IGFLR1: variants seen among roughly 807,000 people sequenced by gnomAD.
IGFLR1 encodes IGF-like family receptor 1.
Under a neutral mutation model 23.4 loss-of-function variants are expected in IGFLR1, and 17 were observed. That is an observed-to-expected ratio of 0.73 (90% confidence interval 0.50 to 1.09). The LOEUF is 1.09. Ranked by LOEUF, IGFLR1 falls within the 50% of genes least tolerant of loss-of-function variation. The probability of loss-of-function intolerance (pLI) is 0.00; values close to 1 mark genes in which losing one functional copy is unlikely to be tolerated. For synonymous variants in IGFLR1, 265 were observed against 210.7 expected (o/e 1.26, Z -2.23); for missense variants, 556 against 459.2 (o/e 1.21, Z -1.93).
chr19:35,740,830 C>A (rs1025265656), intron 2 of IGFLR1, 194 bp downstream of exon 2: 3 of 650,242 alleles, frequency 4.6e-6, no homozygotes, highest in Admixed American at 6.1e-5. Context: ...CAGCCATATC[C>A]ATTCGCTGTT....
intron 2 of IGFLR1, 198 bp downstream of exon 2, chr19:35,740,826 T>C (rs1472162386): frequency 4.6e-6 from 3 of 647,486 alleles, no homozygotes; most frequent in African/African-American, 3.7e-5. Context: ...TCTCCAGCCA[T>C]ATCCATTCGC....
rs751710432 is a variant in IGFLR1, at chr19:35,740,086, C to T, written c.345G>A (p.Arg115=). Reference sequence around the variant, plus strand: ...GGCAGTGCCCCTTGGCAGGGACCGGCCTCTGGGGATAAGGGGTTGGAGTAA... The same window carrying T: ...GGCAGTGCCCCTTGGCAGGGACCGGTCTCTGGGGATAAGGGGTTGGAGTAA... ...GGRTPWRCRE[R]PVPAKGHCPL... is the part of the protein sequence containing the mutation. The change falls in exon 4 of 5, where the codon AGG becomes AGA. Residue 115 remains arginine, a splice_region_variant and synonymous_variant. Transcript: ENST00000246532. The T allele has an allele frequency of 5.6e-6, 9 of 1,610,126 alleles. No homozygotes were observed. In the South Asian group the frequency reaches 9.9e-5, roughly 18 times the overall value.
At chr19:35,741,409 C>T (rs1248395361) in intron 1 of IGFLR1, 186 bp from the exon 2 acceptor site, 4 of 588,668 alleles carry the variant, frequency 6.8e-6, no homozygotes, top group African/African-American at 1.9e-5. Flanking sequence ...TGCAAGAATG[C>T]ATATCCCACC....
intron 2 of IGFLR1, 54 bp downstream of exon 2, chr19:35,740,970 G>A (rs1416440230): frequency 1.9e-6 from 3 of 1,561,968 alleles, no homozygotes; most frequent in African/African-American, 1.4e-5. Flanking sequence ...CCCCTTCCCC[G>A]CTCCCTATCA....
chr19:35,740,987 A>C (rs768972497), intron 2 of IGFLR1, 37 bp downstream of exon 2: 2 of 1,601,184 alleles, frequency 1.2e-6, no homozygotes, highest in Non-Finnish European at 8.5e-7. Context: ...ATCACCTGCA[A>C]GCTCCGCCCA....
At chr19:35,741,376 C>T (rs1436553662) in intron 1 of IGFLR1, 153 bp from the exon 2 acceptor site, 1 of 692,068 alleles carries the variant, frequency 1.4e-6, no homozygotes, top group African/African-American at 1.8e-5. Flanking sequence ...CACTAGGGGA[C>T]TAACAGGGCT....
rs756133747 is a variant in IGFLR1 at position 35,740,553 on chromosome 19, G to A, written c.169C>T (p.Arg57Trp). Residue 57 changes from arginine (R) to tryptophan (W), a missense_variant, in exon 3 of 5, where the codon CGG becomes TGG. By Grantham distance (101) the Arg-to-Trp change is moderately radical. Transcript: ENST00000246532. ...TGGTCATTGAGTCCGCAGTTTTCCCGGAACTCATAGTCTAGCGGGAAAGCT... is the reference window on the plus strand; with the variant it reads ...TGGTCATTGAGTCCGCAGTTTTCCCAGAACTCATAGTCTAGCGGGAAAGCT... ...GPPPCPDYEF[R>W]ENCGLNDHGD... 15 of 1,605,928 alleles carry A rather than the reference G, an allele frequency of 9.3e-6. No homozygotes were observed. The African/African-American group carries it at 1.7e-4, about 19-fold the overall frequency.
In IGFLR1 at chr19:35,739,048, A is replaced by G. The variant is rs1970036681; in HGVS notation, c.*232T>C. 1 of 567,538 alleles carries G rather than the reference A, an allele frequency of 1.8e-6. No homozygotes were observed. Among genetic ancestry groups the G allele is most frequent in the East Asian group, 2.9e-5 (1 of 34,260 alleles). 35.2% of individuals were successfully genotyped at this position (567,538 alleles called of 1,614,324 possible). ...TTACGGCTTCAGAACAACACAACACAGCAACTGTCTGTAGCAGGGTTGTTT... is the reference window on the plus strand; with the variant it reads ...TTACGGCTTCAGAACAACACAACACGGCAACTGTCTGTAGCAGGGTTGTTT... On this transcript the variant is annotated 3_prime_UTR_variant, in exon 5 of 5. Transcript: ENST00000246532.
intron 1 of IGFLR1, 27 bp from the exon 2 acceptor site, chr19:35,741,250 A>T (rs1466746775): frequency 6.3e-7 from 1 of 1,580,198 alleles, no homozygotes; most frequent in Non-Finnish European, 8.6e-7. Flanking sequence ...AATCGGGCAG[A>T]AGAAAGGACG....
At chr19:35,740,804 C>G in intron 2 of IGFLR1, 1 of 636,888 alleles carries the variant, frequency 1.6e-6, no homozygotes. Context: ...TCCACGCGGC[C>G]CCTATCCCGC....
chr19:35,739,298 A>C lies in IGFLR1; in HGVS notation c.1050T>G (p.Ser350=). Residue 350 remains serine (S), a synonymous_variant, in exon 5 of 5, where the codon TCT becomes TCG. Coordinates refer to ENST00000246532, the MANE Select transcript of IGFLR1 (RefSeq NM_024660.4). Reference sequence around the variant, plus strand: ...TTGGGTGTTAAGCCCAGCAAACCCCAGATGAGCCAAGCTTGGACAGCACCC... The same window carrying C: ...TTGGGTGTTAAGCCCAGCAAACCCCCGATGAGCCAAGCTTGGACAGCACCC... ...ALRVLSKLGS[S]GVCWA is the part of the protein sequence containing the mutation. 1 of 1,596,392 alleles carries C rather than the reference A, an allele frequency of 6.3e-7. No individual in the cohort carries two copies. The highest frequency in any genetic ancestry group is 8.6e-7 in the Non-Finnish European group (1 of 1,168,706).
intron 2 of IGFLR1, 200 bp downstream of exon 2, chr19:35,740,824 C>T (rs1970184599): frequency 3.1e-6 from 2 of 648,496 alleles, no homozygotes; most frequent in Non-Finnish European, 5.2e-6. Context: ...CCTCTCCAGC[C>T]ATATCCATTC....
intron 3 of IGFLR1, 126 bp downstream of exon 3, chr19:35,740,254 G>A (rs1015498980): frequency 7.6e-7 from 1 of 1,321,276 alleles, no homozygotes; most frequent in Non-Finnish European, 1.0e-6. Context: ...AGGACCTCCC[G>A]ACCCCTGCAG....
rs981464714 is a variant in IGFLR1, at chr19:35,738,958, A to G, written c.*322T>C. ...ACACCCACCCATCATGACCCAAGGA[A>G]GTTCATCAGCCTCAACAGGTAGGTG... On this transcript the variant is annotated 3_prime_UTR_variant, in exon 5 of 5. Transcript: ENST00000246532. The surrounding 1 kb of genome is among the most constrained non-coding windows in gnomAD (Gnocchi z 8.7). 2.2e-6 allele frequency: 1 copy of G among 450,350 alleles called. No homozygotes were observed. The highest frequency in any genetic ancestry group is 4.0e-6 in the Non-Finnish European group (1 of 252,286). 27.9% of individuals were successfully genotyped at this position (450,350 alleles called of 1,614,324 possible).
Position 35,740,513 on chromosome 19 carries a change from G to A in IGFLR1, c.209C>T (p.Thr70Met), listed in dbSNP as rs1176860967. The change falls in exon 3 of 5, where the codon ACG (threonine) becomes ATG (methionine). Residue 70 changes from threonine to methionine, a missense_variant. Coordinates refer to ENST00000246532, the MANE Select transcript of IGFLR1 (RefSeq NM_024660.4). ...AGAAGAACACTTTCGGAACGGGGGC[G>A]TTACGAAATCGCCGTGGTCATTGAG... ...CGLNDHGDFV[T>M]PPFRKCSSGQ... 3.1e-6 allele frequency: 5 copies of A among 1,612,736 alleles called. No individual in the cohort carries two copies. Among genetic ancestry groups the A allele is most frequent in the Non-Finnish European group, 4.2e-6 (5 of 1,179,716 alleles).
intron 1 of IGFLR1, among the ~76,000 whole-genome samples, 195 bp downstream of exon 1, chr19:35,742,201 A>G (rs984180371): frequency 6.6e-6 from 1 of 152,184 alleles, no homozygotes; most frequent in East Asian, 1.9e-4. Flanking sequence ...TCCCATCACA[A>G]TTCGGCAGGC....
Position 35,739,709 on chromosome 19 carries a change from C to T in IGFLR1, c.721+1G>A, listed in dbSNP as rs750098013. 6 of 1,554,838 alleles carry T rather than the reference C, an allele frequency of 3.9e-6. No individual in the cohort carries two copies. Among genetic ancestry groups the T allele is most frequent in the Non-Finnish European group, 5.2e-6 (6 of 1,147,722 alleles). ...TGCCCCGGGGCTCCTCCAGGACTAA[C>T]CCCTGCTCAGGAGTGGAAGTAGTGA... On this transcript the variant is annotated splice_donor_variant, in intron 4 of 4. Transcript: ENST00000246532. LOFTEE classifies it high-confidence loss of function.
In IGFLR1 at chr19:35,740,927, C is replaced by T; in HGVS notation, c.157+97G>A. On this transcript the variant is annotated intron_variant, in intron 2 of 4. Transcript: ENST00000246532. ...AAGGCCCACCGCTTAGACCCCTAAG[C>T]AAGCCTCTCTGGCCCGTAGCCCACA... is the stretch of plus-strand genomic sequence containing the variant. The T allele has an allele frequency of 2.5e-6, 3 of 1,209,488 alleles. No homozygotes were observed. The South Asian group carries it at 4.1e-5, about 16-fold the overall frequency. 74.9% of individuals were successfully genotyped at this position (1,209,488 alleles called of 1,614,324 possible). A position where few individuals can be genotyped will look rare whatever the true frequency, so the allele number is the denominator to read the frequency against.
rs1476839740 is a variant in IGFLR1, at chr19:35,739,838, G to A, written c.593C>T (p.Pro198Leu). 5 of 1,611,494 alleles carry A rather than the reference G, an allele frequency of 3.1e-6. No homozygotes were observed. Among genetic ancestry groups the A allele is most frequent in the Non-Finnish European group, 4.2e-6 (5 of 1,178,044 alleles). The change falls in exon 4 of 5, where the codon CCC becomes CTC. Residue 198 changes from proline (P) to leucine (L), a missense_variant. Pro to Leu is a moderately conservative substitution (Grantham distance 98). Coordinates refer to ENST00000246532, the MANE Select transcript of IGFLR1 (RefSeq NM_024660.4). Reference protein sequence around the residue: ...CWPKEKADPYPYPGLVCGVPN... With the variant: ...CWPKEKADPYLYPGLVCGVPN... ...GACTCCGCAGACCAAGCCAGGATAG[G>A]GATAGGGGTCGGCTTTCTCCTTGGG... is the stretch of plus-strand genomic sequence containing the variant.
Sources: gnomAD v4.1 joint callset for allele counts (sites outside exome capture counted in the v4.1 genomes callset) on GRCh38, gnomAD v4.1.1 for gene constraint, Gnocchi (gnomAD v3.1) non-coding constraint, MANE v1.5 for transcripts, NCBI Gene and HGNC (gene_info 2026-07-23, HGNC 2026-07-21) for gene names.